DIMT1: variants seen among roughly 807,000 people sequenced by gnomAD.
DIMT1 encodes the protein dimethyladenosine transferase.
In DIMT1, 36 loss-of-function variants were observed where a neutral mutation model predicts 43.2. That is an observed-to-expected ratio of 0.83 (90% CI 0.64 to 1.10). The LOEUF is 1.10. DIMT1 is among the 50% of genes least tolerant of loss of function. The pLI is 0.00. For missense variants in DIMT1, 341 were observed against 385.3 expected, an observed-to-expected ratio of 0.88 and a Z score of 0.96; for synonymous variants, 126 against 130.3, an observed-to-expected ratio of 0.97 and a Z score of 0.22.
At chr5:62,403,167 T>G in intron 2 of DIMT1, 106 bp downstream of exon 2, 1 of 974,382 alleles carries the variant, frequency 1.0e-6, no homozygotes, top group East Asian at 2.6e-5. Flanking sequence ...TCAACAAATA[T>G]TTACAGAGCA....
At chr5:62,389,883 T>C (rs1280449479) in intron 11 of DIMT1, among the ~76,000 whole-genome samples, 1 of 152,162 alleles carries the variant, frequency 6.6e-6, no homozygotes, top group Non-Finnish European at 1.5e-5. Context: ...GAGAAAATAT[T>C]TCTCTTTAGA....
intron 9 of DIMT1, among the ~76,000 whole-genome samples, chr5:62,392,631 A>AG (rs1742349867): frequency 6.6e-6 from 1 of 152,198 alleles, no homozygotes; most frequent in Non-Finnish European, 1.5e-5. Context: ...CAAGTGTGGA[A>AG]GGGGTCCATC....
At chr5:62,394,295 G>T (rs1418594451) in intron 7 of DIMT1, among the ~76,000 whole-genome samples, 189 bp downstream of exon 7, 1 of 152,132 alleles carries the variant, frequency 6.6e-6, no homozygotes, top group African/African-American at 2.4e-5. Flanking sequence ...GCAAAACTCT[G>T]TGTCTACAAA....
chr5:62,392,292 C>CT, intron 9 of DIMT1, 58 bp from the exon 10 acceptor site: 1 of 1,448,866 alleles, frequency 6.9e-7, no homozygotes, highest in Non-Finnish European at 9.5e-7. Context: ...TAATTTCTTA[C>CT]TTTTTTAAAC....
At chr5:62,403,069 A>T (rs911573537) in intron 2 of DIMT1, among the ~76,000 whole-genome samples, 1 of 152,214 alleles carries the variant, frequency 6.6e-6, no homozygotes, top group African/African-American at 2.4e-5. Context: ...AAGACACAGA[A>T]TTGGGAACCA....
chr5:62,390,626 C>T (rs111269197), intron 11 of DIMT1, among the ~76,000 whole-genome samples: 42 of 152,290 alleles, frequency 2.8e-4, no homozygotes, highest in African/African-American at 9.9e-4. Context: ...GGAACCTGCA[C>T]ACCACATTAA....
At chr5:62,393,862 G>C in intron 8 of DIMT1, 93 bp downstream of exon 8, 1 of 1,070,682 alleles carries the variant, frequency 9.3e-7, no homozygotes, top group Non-Finnish European at 1.3e-6. Context: ...TGAATATTTA[G>C]GTTGATTCAA....
intron 2 of DIMT1, 28 bp downstream of exon 2, chr5:62,403,245 C>T: frequency 6.3e-7 from 1 of 1,597,890 alleles, no homozygotes; most frequent in African/African-American, 1.3e-5. Context: ...AAACCAACAA[C>T]TCTCTCCCTT....
Position 62,390,971 on chromosome 5 carries a change from T to A in DIMT1, c.804A>T (p.Glu268Asp). 1.2e-6 allele frequency: 2 copies of A among 1,613,292 alleles called. No homozygotes were observed. Residue 268 changes from glutamate to aspartate, a missense_variant, in exon 11 of 12, where the codon GAA becomes GAT. Transcript: ENST00000199320. Reference sequence around the variant, plus strand: ...GTATTTTATCTGCTATGCTGAAATCTTCTGGTATTATCTATCAATATAAGA... The same window carrying A: ...GTATTTTATCTGCTATGCTGAAATCATCTGGTATTATCTATCAATATAAGA... The part of the protein sequence containing the change: ...HCSVHNIIIP[E>D]DFSIADKIQQ...
chr5:62,397,418 G>C (rs1034873218), intron 6 of DIMT1, among the ~76,000 whole-genome samples: 8 of 152,172 alleles, frequency 5.3e-5, no homozygotes, highest in Non-Finnish European at 1.2e-4. Context: ...CTTTGATTTT[G>C]CAGTCAGAAT....
At chr5:62,389,101 C>T in intron 11 of DIMT1, 49 bp from the exon 12 acceptor site, 1 of 1,511,758 alleles carries the variant, frequency 6.6e-7, no homozygotes. Context: ...TAATTTGTAG[C>T]ACATAACGGT....
In DIMT1 at chr5:62,394,052, T is replaced by G. The variant is rs185819801; in HGVS notation, c.571-5A>C. 242 of 1,610,072 alleles carry G rather than the reference T, an allele frequency of 1.5e-4. 1 individual carries two copies. The African/African-American group carries it at 2.7e-3, about 18-fold the overall frequency. On this transcript the variant is annotated splice_polypyrimidine_tract_variant and splice_region_variant and intron_variant, in intron 7 of 11. Transcript: ENST00000199320. ...TCTGAAGTTATTCTTTCCCACCTGTTAATGAAAAAGTATTTAAGTAGTACT... is the reference window on the plus strand; with the variant it reads ...TCTGAAGTTATTCTTTCCCACCTGTGAATGAAAAAGTATTTAAGTAGTACT...
At chr5:62,403,214 A>T in intron 2 of DIMT1, 59 bp downstream of exon 2, 1 of 1,474,174 alleles carries the variant, frequency 6.8e-7, no homozygotes, top group Non-Finnish European at 9.5e-7. Context: ...GCGCTTATGT[A>T]TTCATAGGAA....
At chr5:62,394,648 T>G in intron 6 of DIMT1, 41 bp from the exon 7 acceptor site, 1 of 1,609,226 alleles carries the variant, frequency 6.2e-7, no homozygotes, top group Non-Finnish European at 8.5e-7. Flanking sequence ...ATGGTCATTG[T>G]CAACTATAAA....
chr5:62,389,379 G>A (rs898214691), intron 11 of DIMT1, among the ~76,000 whole-genome samples: 1 of 151,206 alleles, frequency 6.6e-6, no homozygotes, highest in African/African-American at 2.4e-5. Flanking sequence ...CCAGCTACTC[G>A]GGTGGTTGAG....
rs1186574872 is a variant in DIMT1 at position 62,403,768 on chromosome 5, G to T, written c.5C>A (p.Pro2Gln). Reference protein sequence around the residue: MPKVKSGAIGRR... With the variant: MQKVKSGAIGRR... ...GCCGATGGCCCCCGACTTGACCTTC[G>T]GCATCTCGGCAGAAAGCGGGCCCAC... Residue 2 changes from proline (P) to glutamine (Q), a missense_variant, in exon 1 of 12, where the codon CCG (proline) becomes CAG (glutamine). Transcript: ENST00000199320. The T allele has an allele frequency of 6.2e-7, 1 of 1,610,206 alleles. No individual in the cohort carries two copies. Among genetic ancestry groups the T allele is most frequent in the Non-Finnish European group, 8.5e-7 (1 of 1,178,768 alleles).
intron 10 of DIMT1, chr5:62,391,871 T>C (rs1282376866): frequency 6.6e-7 from 1 of 1,522,980 alleles, no homozygotes; most frequent in Admixed American, 2.0e-5. Context: ...GCTACACATA[T>C]CTACAGCTTT....
In DIMT1 at chr5:62,403,694, C is replaced by T; in HGVS notation, c.79G>A (p.Gly27Arg). The T allele has an allele frequency of 6.2e-7, 1 of 1,607,756 alleles. No homozygotes were observed. Among genetic ancestry groups the T allele is most frequent in the Non-Finnish European group, 8.5e-7 (1 of 1,177,882 alleles). ...CCAGCTTCCTCGCGGGGATCCGCAC[C>T]TCCAGCGCTCTTCAGCTCCCGGCGC... is the stretch of plus-strand genomic sequence containing the variant. ...EQRRELKSAGGLMFNTGIGQH... is the reference protein window; with the variant it reads ...EQRRELKSAGRLMFNTGIGQH... Residue 27 changes from glycine (G) to arginine (R), a missense_variant and splice_region_variant, in exon 1 of 12, where the codon GGA becomes AGA. Coordinates refer to ENST00000199320, the MANE Select transcript of DIMT1 (RefSeq NM_014473.4).
chr5:62,403,728 CCG>C lies in DIMT1; in HGVS notation c.43_44del (p.Arg15AlafsTer31). On this transcript the variant is annotated frameshift_variant, in exon 1 of 12. Transcript: ENST00000199320. LOFTEE classifies it high-confidence loss of function. Reference protein sequence around the residue: ...KSGAIGRRRGRQEQRRELKSA... With the variant: ...KSGAIGRRRGXQEQRRELKSA... Reference sequence around the variant, plus strand: ...TCTTCAGCTCCCGGCGCTGCTCCTGCCGCCCGCGGCGGCGGCCGATGGCCCCC... The same window carrying C: ...TCTTCAGCTCCCGGCGCTGCTCCTGCCCCGCGGCGGCGGCCGATGGCCCCC... 1 of 1,609,720 alleles carries C rather than the reference CCG, an allele frequency of 6.2e-7. No homozygotes were observed. The highest frequency in any genetic ancestry group is 8.5e-7 in the Non-Finnish European group (1 of 1,178,632).
Sources: allele counts gnomAD v4.1 joint callset (sites outside exome capture counted in the v4.1 genomes callset), GRCh38; gene constraint gnomAD v4.1.1; transcripts MANE v1.5; gene names NCBI Gene and HGNC (gene_info 2026-07-23, HGNC 2026-07-21).